Variants in C1QTNF3 observed in about 807,000 individuals in gnomAD.
The protein encoded by C1QTNF3 is complement C1q tumor necrosis factor-related protein 3.
A neutral mutation model predicts 32.6 loss-of-function variants in C1QTNF3; 26 were observed. That is an observed-to-expected ratio of 0.80 (90% confidence interval 0.58 to 1.11). C1QTNF3 has a LOEUF of 1.11. Ranked by LOEUF, C1QTNF3 falls within the 50% of genes least tolerant of loss-of-function variation. C1QTNF3 has a pLI of 0.00. For missense variants in C1QTNF3, 362 were observed against 398.2 expected, an observed-to-expected ratio of 0.91 and a Z score of 0.77; for synonymous variants, 155 against 146.0, an observed-to-expected ratio of 1.06 and a Z score of -0.44.
chr5:34,119,891 C>G, the C1QTNF3 span, among the ~76,000 whole-genome samples: 1 of 152,196 alleles, frequency 6.6e-6, no homozygotes, highest in African/African-American at 2.4e-5. Flanking sequence ...TCCATCTGAA[C>G]CCTTAACTCC....
chr5:34,154,032 T>TA, the C1QTNF3 span, among the ~76,000 whole-genome samples: 523 of 103,160 alleles, frequency 5.1e-3, 5 homozygotes, highest in African/African-American at 0.013. Context: ...ACCTGCAAAA[T>TA]AAAAAAAAAA....
chr5:34,197,115 T>C, the C1QTNF3 span, among the ~76,000 whole-genome samples: 2 of 152,394 alleles, frequency 1.3e-5, no homozygotes, highest in African/African-American at 4.8e-5. Flanking sequence ...AAAAATGAAA[T>C]ACTAAGTTAA....
At chr5:34,220,379 C>T in the C1QTNF3 span, among the ~76,000 whole-genome samples, 7 of 152,004 alleles carry the variant, frequency 4.6e-5, no homozygotes, top group African/African-American at 1.2e-4. Context: ...AAGTAATGAG[C>T]TTTCTATGTC....
the C1QTNF3 span, among the ~76,000 whole-genome samples, chr5:34,188,466 C>A: frequency 5.9e-5 from 9 of 152,026 alleles, no homozygotes; most frequent in African/African-American, 1.9e-4. Context: ...CCTGCAAAGC[C>A]ACAGGGGCGG....
the C1QTNF3 span, among the ~76,000 whole-genome samples, chr5:34,075,239 A>G: frequency 5.9e-5 from 9 of 151,802 alleles, no homozygotes; most frequent in African/African-American, 2.2e-4. Flanking sequence ...AAGGAATTAT[A>G]GCTGACCCTG....
the C1QTNF3 span, among the ~76,000 whole-genome samples, chr5:34,081,109 A>C: frequency 6.6e-6 from 1 of 151,740 alleles, no homozygotes. Context: ...CGAATCTTTG[A>C]ACAAGGTTGG....
the C1QTNF3 span, among the ~76,000 whole-genome samples, chr5:34,098,770 C>G: frequency 1.3e-5 from 2 of 152,024 alleles, no homozygotes; most frequent in African/African-American, 4.8e-5. Flanking sequence ...TTCACTATTA[C>G]TTGGTTTATG....
chr5:34,127,663 C>T, the C1QTNF3 span, among the ~76,000 whole-genome samples: 1 of 151,636 alleles, frequency 6.6e-6, no homozygotes, highest in African/African-American at 2.4e-5. Flanking sequence ...TTTTGGCTCA[C>T]TGCAACCTCT....
chr5:34,104,762 C>T, the C1QTNF3 span, among the ~76,000 whole-genome samples: 16 of 143,898 alleles, frequency 1.1e-4, no homozygotes, highest in African/African-American at 4.2e-4. Context: ...GTCTCAAACT[C>T]CTGACCTCAC....
chr5:34,041,159 A>G (rs992486911), intron 1 of C1QTNF3, among the ~76,000 whole-genome samples: 4 of 152,228 alleles, frequency 2.6e-5, no homozygotes, highest in African/African-American at 7.2e-5. Flanking sequence ...CAGGGGAAGT[A>G]GGGAAAGAAG....
the C1QTNF3 span, among the ~76,000 whole-genome samples, chr5:34,098,340 T>C: frequency 6.7e-6 from 1 of 150,314 alleles, no homozygotes; most frequent in African/African-American, 2.4e-5. Flanking sequence ...AAGTTAAGTG[T>C]GAGGACATGT....
the C1QTNF3 span, among the ~76,000 whole-genome samples, chr5:34,228,735 T>A: frequency 6.6e-6 from 1 of 152,098 alleles, no homozygotes; most frequent in African/African-American, 2.4e-5. Flanking sequence ...ATATTTAATC[T>A]GCATATCTTG....
chr5:34,228,500 TC>T, the C1QTNF3 span, among the ~76,000 whole-genome samples: 1 of 151,412 alleles, frequency 6.6e-6, no homozygotes. Context: ...AAAAGACTGA[TC>T]CTTTGATTCC....
the C1QTNF3 span, among the ~76,000 whole-genome samples, chr5:34,141,180 C>T: frequency 4.6e-5 from 7 of 151,952 alleles, no homozygotes; most frequent in East Asian, 1.2e-3. Flanking sequence ...AGTGCAGTGG[C>T]GCAATCTTGG....
At chr5:34,023,822 G>T in intron 5 of C1QTNF3, 87 bp downstream of exon 5, 2 of 974,440 alleles carry the variant, frequency 2.1e-6, no homozygotes, top group South Asian at 1.4e-5. Context: ...AGGCTCTATT[G>T]ACTCCTATAC....
At position 34,018,892 on chromosome 5, in the gene C1QTNF3, CGAGG is replaced by C. The variant is rs1386700261; in HGVS notation, c.*1687_*1690del. 4.1e-4 allele frequency among the ~76,000 whole-genome samples: 63 copies of C among 152,242 alleles called. 1 individual carries two copies. The highest frequency in any genetic ancestry group is 1.5e-3 in the African/African-American group (61 of 41,542). ...CTGTAATCCCAGCACTTTGGAAGACCGAGGCAGGCAGATCACCTGAGGTCAGGAG... is the reference window on the plus strand; with the variant it reads ...CTGTAATCCCAGCACTTTGGAAGACCCAGGCAGATCACCTGAGGTCAGGAG... On this transcript the variant is annotated 3_prime_UTR_variant, in exon 6 of 6. Coordinates refer to ENST00000382065, the MANE Select transcript of C1QTNF3 (RefSeq NM_181435.6).
the C1QTNF3 span, among the ~76,000 whole-genome samples, chr5:34,238,311 G>C: frequency 6.6e-6 from 1 of 152,098 alleles, no homozygotes; most frequent in Admixed American, 6.5e-5. Context: ...AACAGACATA[G>C]AATACAGAAC....
rs1754240565 is a variant in C1QTNF3 at position 34,018,156 on chromosome 5, A to G, written c.*2427T>C. On this transcript the variant is annotated 3_prime_UTR_variant, in exon 6 of 6. Coordinates refer to ENST00000382065, the MANE Select transcript of C1QTNF3 (RefSeq NM_181435.6). ...AAGACTGAAATAAACACTTTAAAAT[A>G]GTAATATTATTTAATATTTGATGGG... Among the ~76,000 whole-genome samples, 1 of 151,956 alleles carries G rather than the reference A, an allele frequency of 6.6e-6. No homozygotes were observed.
chr5:34,060,990 C>T, the C1QTNF3 span, among the ~76,000 whole-genome samples: 3 of 152,210 alleles, frequency 2.0e-5, no homozygotes, highest in African/African-American at 7.2e-5. Flanking sequence ...CAAGGCAAGT[C>T]CCTTCTGCCT....
Sources: gnomAD v4.1 joint callset for allele counts (sites outside exome capture counted in the v4.1 genomes callset) on GRCh38, gnomAD v4.1.1 for gene constraint, MANE v1.5 for transcripts, NCBI Gene and HGNC (gene_info 2026-07-23, HGNC 2026-07-21) for gene names.